SHANK2: variants seen among roughly 807,000 people sequenced by gnomAD.
SHANK2 encodes SH3 and multiple ankyrin repeat domains 2, also known as SH3 and multiple ankyrin repeat domains protein 2.
SHANK2 carries 43 observed loss-of-function variants against 133.7 expected under a neutral mutation model. The observed-to-expected ratio is 0.32, with a 90% CI of 0.25 to 0.41. The LOEUF is 0.41. Ranked by LOEUF, SHANK2 falls within the 10% of genes least tolerant of loss-of-function variation. The pLI is 1.00. For synonymous variants in SHANK2, 1,017 were observed against 952.8 expected, an observed-to-expected ratio of 1.07 and a Z score of -1.24; for missense variants, 1,994 against 2,235.8, an observed-to-expected ratio of 0.89 and a Z score of 2.18.
chr11:70,904,733 C>T (rs782698934), intron 10 of SHANK2, among the ~76,000 whole-genome samples: 2 of 152,118 alleles, frequency 1.3e-5, no homozygotes, highest in Non-Finnish European at 2.9e-5. Flanking sequence ...GTCTCGAACT[C>T]CTGACCTCAA....
intron 2 of SHANK2, among the ~76,000 whole-genome samples, chr11:71,214,288 C>G (rs1311867760): frequency 6.6e-6 from 1 of 152,200 alleles, no homozygotes; most frequent in Admixed American, 6.5e-5. Flanking sequence ...AATCCCGCAG[C>G]ACAAATGAGA....
intron 21 of SHANK2, among the ~76,000 whole-genome samples, chr11:70,498,499 T>A (rs561054413): frequency 1.3e-5 from 2 of 152,274 alleles, no homozygotes; most frequent in Admixed American, 1.3e-4. Flanking sequence ...ACAGTCCCCT[T>A]CATGTGCCCA....
At chr11:70,634,224 G>T (rs530269301) in intron 17 of SHANK2, 1 of 151,972 alleles carries the variant, frequency 6.6e-6, no homozygotes, top group African/African-American at 2.4e-5. Context: ...ACTGGGGCCC[G>T]CAAGAAAGAT....
intron 17 of SHANK2, among the ~76,000 whole-genome samples, chr11:70,639,755 G>A (rs1426834567): frequency 2.0e-5 from 3 of 152,152 alleles, no homozygotes; most frequent in Non-Finnish European, 4.4e-5. Flanking sequence ...ACATGAAGGT[G>A]CCCTGCAGGC....
chr11:70,614,424 G>T (rs2060710992), intron 17 of SHANK2, among the ~76,000 whole-genome samples: 1 of 151,676 alleles, frequency 6.6e-6, no homozygotes, highest in Admixed American at 6.6e-5. Flanking sequence ...AGATTCTCCT[G>T]CCTCAGCCTC....
At chr11:70,606,782 A>G (rs2060584610) in intron 17 of SHANK2, among the ~76,000 whole-genome samples, 1 of 152,174 alleles carries the variant, frequency 6.6e-6, no homozygotes, top group African/African-American at 2.4e-5. Flanking sequence ...GCGCTTCTGC[A>G]GTCCTGATTC....
intron 7 of SHANK2, 31 bp from the exon 8 acceptor site, chr11:71,092,620 T>C: frequency 6.5e-7 from 1 of 1,548,178 alleles, no homozygotes; most frequent in Non-Finnish European, 8.7e-7. Flanking sequence ...GCCGTCGTTA[T>C]TGGTCTCATG....
At chr11:71,230,373 A>G (rs900229279) in intron 1 of SHANK2, among the ~76,000 whole-genome samples, 1 of 151,920 alleles carries the variant, frequency 6.6e-6, no homozygotes, top group Non-Finnish European at 1.5e-5. Flanking sequence ...CGAGGTCAGG[A>G]TATCAAGACC....
intron 2 of SHANK2, among the ~76,000 whole-genome samples, chr11:71,167,778 G>A (rs1398283026): frequency 6.4e-5 from 9 of 140,816 alleles, no homozygotes; most frequent in South Asian, 2.3e-4. Context: ...CGGACGGGGC[G>A]GCTGGCCGGG....
intron 9 of SHANK2, among the ~76,000 whole-genome samples, chr11:71,065,935 GGGC>G (rs2135949762): frequency 1.2e-5 from 1 of 81,676 alleles, no homozygotes. Context: ...AAGTTGGTGG[GGGC>G]GGGGTACAGA....
Position 70,941,797 on chromosome 11 carries a change from A to T in SHANK2, c.1108-45230T>A, listed in dbSNP as rs548937150. On this transcript the variant is annotated intron_variant, in intron 10 of 25. Coordinates refer to ENST00000601538, the MANE Select transcript of SHANK2 (RefSeq NM_012309.5). Reference sequence around the variant, plus strand: ...TCTGTTGTGTAACACCTCCCAGCCTACAGCACTTTGCTATAGCAGCCTGTC... The same window carrying T: ...TCTGTTGTGTAACACCTCCCAGCCTTCAGCACTTTGCTATAGCAGCCTGTC... 4.4e-3 allele frequency among the ~76,000 whole-genome samples: 667 copies of T among 152,276 alleles called. 4 individuals carry two copies. The highest frequency in any genetic ancestry group is 0.015 in the African/African-American group (616 of 41,560).
chr11:70,908,055 C>T (rs530828255), intron 10 of SHANK2: 10 of 380,254 alleles, frequency 2.6e-5, no homozygotes, highest in African/African-American at 4.2e-5. Flanking sequence ...GAGCCGGGAT[C>T]GTGCCATTGC....
chr11:70,911,274 T>C (rs1240895684), intron 10 of SHANK2: 2 of 438,940 alleles, frequency 4.6e-6, no homozygotes, highest in African/African-American at 4.0e-5. Flanking sequence ...TGCCCTGGCT[T>C]GAACCCAGAA....
At chr11:70,813,037 C>T (rs1375789593) in intron 12 of SHANK2, among the ~76,000 whole-genome samples, 1 of 152,160 alleles carries the variant, frequency 6.6e-6, no homozygotes, top group Non-Finnish European at 1.5e-5. Context: ...TTCATTCATT[C>T]ATCCAGCAAG....
intron 15 of SHANK2, among the ~76,000 whole-genome samples, chr11:70,670,462 C>T (rs1280304582): frequency 3.9e-5 from 6 of 152,198 alleles, no homozygotes; most frequent in Non-Finnish European, 7.3e-5. Flanking sequence ...CCGCCGGGTG[C>T]GGGCAGCCAG....
At position 70,533,633 on chromosome 11, in the gene SHANK2, A is replaced by AT. The variant is rs370503273; in HGVS notation, c.2062-30703dup. On this transcript the variant is annotated intron_variant, in intron 17 of 25. Transcript: ENST00000601538. ...CATCAGCTTTTTGGGGGACATGCAT[A>AT]TTTCTTTAATTGAGATGAGCTTATA... Among the ~76,000 whole-genome samples the AT allele has an allele frequency of 1.9e-3, 296 of 152,088 alleles. 2 individuals carry two copies. The Middle Eastern group carries it at 0.024, about 12-fold the overall frequency.
chr11:70,896,438 G>A (rs1949935521), intron 11 of SHANK2, 63 bp downstream of exon 11: 1 of 668,352 alleles, frequency 1.5e-6, no homozygotes. Context: ...GCTGGTGAGT[G>A]ACTGATTCCT....
At chr11:70,510,634 T>C (rs1336040798) in intron 17 of SHANK2, among the ~76,000 whole-genome samples, 4 of 152,198 alleles carry the variant, frequency 2.6e-5, no homozygotes, top group Admixed American at 2.0e-4. Context: ...GTCCAGGAGC[T>C]GGGGGAACCT....
chr11:70,795,626 G>A (rs782504215), intron 14 of SHANK2, among the ~76,000 whole-genome samples: 1 of 152,082 alleles, frequency 6.6e-6, no homozygotes, highest in Non-Finnish European at 1.5e-5. Context: ...GGCTGGTCTC[G>A]AACTCCTAAA....
Sources: gnomAD v4.1 joint callset for allele counts (sites outside exome capture counted in the v4.1 genomes callset) on GRCh38, gnomAD v4.1.1 for gene constraint, MANE v1.5 for transcripts, NCBI Gene and HGNC (gene_info 2026-07-23, HGNC 2026-07-21) for gene names.